PI4KB: variants seen among roughly 807,000 people sequenced by gnomAD.
PI4KB encodes the protein PtdIns 4-kinase beta.
Under a neutral mutation model 81.4 loss-of-function variants are expected in PI4KB, and 23 were observed. That is an observed-to-expected ratio of 0.28 (90% CI 0.20 to 0.40). PI4KB has a LOEUF of 0.40. Ranked by LOEUF, PI4KB falls within the 10% of genes least tolerant of loss-of-function variation. PI4KB has a pLI of 1.00. For missense variants in PI4KB, 651 were observed against 1,036.6 expected, an observed-to-expected ratio of 0.63 and a Z score of 5.11; for synonymous variants, 381 against 406.8, an observed-to-expected ratio of 0.94 and a Z score of 0.76.
chr1:151,305,623 A>G (rs1695693940), intron 5 of PI4KB, among the ~76,000 whole-genome samples: 1 of 152,038 alleles, frequency 6.6e-6, no homozygotes, highest in African/African-American at 2.4e-5. Context: ...TGCTCTTATA[A>G]TGTCCTATCC....
chr1:151,320,269 G>A (rs1486569281), intron 1 of PI4KB, among the ~76,000 whole-genome samples: 6 of 152,060 alleles, frequency 3.9e-5, no homozygotes, highest in East Asian at 1.9e-4. Context: ...TCCTGACCTC[G>A]TGATCTGCCC....
At chr1:151,312,440 C>G (rs1328968926) in intron 2 of PI4KB, among the ~76,000 whole-genome samples, 2 of 152,198 alleles carry the variant, frequency 1.3e-5, no homozygotes, top group African/African-American at 4.8e-5. Context: ...AAGCTGTATA[C>G]TTCCTGCTTA....
intron 1 of PI4KB, among the ~76,000 whole-genome samples, chr1:151,321,970 T>C (rs1648913742): frequency 6.6e-6 from 1 of 151,858 alleles, no homozygotes; most frequent in South Asian, 2.1e-4. Context: ...AGTCCTGTAT[T>C]CAACAGCCTT....
At chr1:151,293,968 T>A in intron 11 of PI4KB, 50 bp downstream of exon 11, 1 of 1,610,742 alleles carries the variant, frequency 6.2e-7, no homozygotes. Flanking sequence ...GGCTCCGACT[T>A]AAAGGGGAAG....
chr1:151,299,154 G>C, intron 8 of PI4KB, 81 bp from the exon 9 acceptor site: 1 of 1,263,732 alleles, frequency 7.9e-7, no homozygotes, highest in Non-Finnish European at 1.1e-6. Flanking sequence ...CCTTTCTCCA[G>C]CCTCTCTCCT....
chr1:151,294,043 C>T lies in PI4KB; in HGVS notation c.2244G>A (p.Val748=), dbSNP rs1219996811. The T allele has an allele frequency of 6.2e-7, 1 of 1,614,180 alleles. No homozygotes were observed. Among genetic ancestry groups the T allele is most frequent in the East Asian group, 2.2e-5 (1 of 44,884 alleles). The part of the protein sequence containing the change: ...IAARKHMDKV[V]QIVEIMQQGS... ...CTTGCTGCATGATCTCCACGATCTG[C>T]ACCACCTTGTCCATGTGTTTCCGAG... The change falls in exon 11 of 12, where the codon GTG becomes GTA. Residue 748 remains valine (V), a synonymous_variant. Coordinates refer to ENST00000368873, the MANE Select transcript of PI4KB (RefSeq NM_001369623.2).
Position 151,316,017 on chromosome 1 carries a change from T to A in PI4KB, c.465A>T (p.Gly155=), listed in dbSNP as rs547841708. Residue 155 remains glycine (G), a synonymous_variant, in exon 2 of 12, where the codon GGA becomes GGT. Coordinates refer to ENST00000368873, the MANE Select transcript of PI4KB (RefSeq NM_001369623.2). The part of the protein sequence containing the change: ...ISYLYNSKEP[G]VQAYIGNRLF... ...GCCGGTTGCCAATGTAGGCTTGTACTCCAGGCTCCTTGGAGTTATACAGGT... is the reference window on the plus strand; with the variant it reads ...GCCGGTTGCCAATGTAGGCTTGTACACCAGGCTCCTTGGAGTTATACAGGT... The A allele has an allele frequency of 6.5e-5, 105 of 1,614,184 alleles. No homozygotes were observed. The South Asian group carries it at 1.1e-3, about 17-fold the overall frequency.
At chr1:151,327,677 CTGGAACA>C, upstream of PI4KB, 1 of 328,300 alleles carries the variant, frequency 3.0e-6, no homozygotes, top group Admixed American at 4.9e-5. Context: ...GGTGAGCTGC[CTGGAACA>C]TGCCTGTTCA....
At chr1:151,295,831 C>T (rs760201001) in intron 9 of PI4KB, among the ~76,000 whole-genome samples, 1 of 152,202 alleles carries the variant, frequency 6.6e-6, no homozygotes, top group Non-Finnish European at 1.5e-5. Context: ...CTGACTAGTG[C>T]CAGCTTCCCT....
chr1:151,318,050 CAA>C (rs1648239546), intron 1 of PI4KB, among the ~76,000 whole-genome samples: 2 of 152,140 alleles, frequency 1.3e-5, no homozygotes, highest in Admixed American at 1.3e-4. Flanking sequence ...TGGCCTCAAG[CAA>C]TTCTCCTGCC....
At chr1:151,305,553 G>A (rs1695688495) in intron 5 of PI4KB, among the ~76,000 whole-genome samples, 1 of 152,142 alleles carries the variant, frequency 6.6e-6, no homozygotes. Flanking sequence ...CATGCTTCCA[G>A]CCTCAGCTGA....
chr1:151,307,868 A>G, intron 3 of PI4KB, 67 bp from the exon 4 acceptor site: 1 of 1,228,002 alleles, frequency 8.1e-7, no homozygotes, highest in Non-Finnish European at 1.2e-6. Context: ...ACACCCACTC[A>G]GTCACTCCTG....
intron 5 of PI4KB, among the ~76,000 whole-genome samples, chr1:151,305,231 G>A (rs587677437): frequency 1.5e-3 from 236 of 152,332 alleles, no homozygotes; most frequent in Middle Eastern, 3.4e-3. Flanking sequence ...CTCCCAAAGT[G>A]TTGGGATTAC....
intron 10 of PI4KB, 77 bp downstream of exon 10, chr1:151,294,332 G>A (rs1694609131): frequency 6.5e-7 from 1 of 1,546,196 alleles, no homozygotes; most frequent in African/African-American, 1.4e-5. Flanking sequence ...AATTTGCAGG[G>A]AGCCCATCAG....
chr1:151,293,104 C>T (rs1694440136), intron 11 of PI4KB, 71 bp from the exon 12 acceptor site: 1 of 1,578,572 alleles, frequency 6.3e-7, no homozygotes, highest in Non-Finnish European at 8.6e-7. Context: ...ATAGCAAATA[C>T]AGAGCTGGGG....
chr1:151,311,430 A>G (rs960465233), intron 2 of PI4KB, among the ~76,000 whole-genome samples: 3 of 152,340 alleles, frequency 2.0e-5, no homozygotes, highest in Middle Eastern at 3.4e-3. Flanking sequence ...GAGGTCCTAT[A>G]GTCAGGTCCT....
chr1:151,306,932 G>T (rs898343352), intron 4 of PI4KB, among the ~76,000 whole-genome samples: 1 of 152,186 alleles, frequency 6.6e-6, no homozygotes, highest in Non-Finnish European at 1.5e-5. Context: ...AAAATTAGCC[G>T]GGTGTGGTGG....
intron 9 of PI4KB, among the ~76,000 whole-genome samples, chr1:151,297,123 CTAGT>C (rs796953688): frequency 5.9e-5 from 9 of 152,210 alleles, no homozygotes; most frequent in African/African-American, 2.2e-4. Flanking sequence ...AGCTAGCTAG[CTAGT>C]TGTTTTGTTT....
chr1:151,307,337 G>A (rs587690540), intron 4 of PI4KB, among the ~76,000 whole-genome samples: 1 of 152,302 alleles, frequency 6.6e-6, no homozygotes, highest in East Asian at 1.9e-4. Flanking sequence ...ACAGCAAGAA[G>A]GAAGCTAAAA....
Sources: gnomAD v4.1 joint callset for allele counts (sites outside exome capture counted in the v4.1 genomes callset) on GRCh38, gnomAD v4.1.1 for gene constraint, MANE v1.5 for transcripts, NCBI Gene and HGNC (gene_info 2026-07-23, HGNC 2026-07-21) for gene names.